The following RNF216 variants were observed in gnomAD, a reference collection of about 807,000 sequenced individuals.
RNF216 encodes the protein ring finger protein 216, also known as E3 ubiquitin-protein ligase RNF216.
Under a neutral mutation model 110.8 loss-of-function variants are expected in RNF216, and 72 were observed. The ratio of observed to expected loss-of-function variants is 0.65; its 90% CI spans 0.54 to 0.79. The LOEUF is 0.79. Ranked by LOEUF, RNF216 falls within the 30% of genes least tolerant of loss-of-function variation. The pLI is 0.00. For missense variants in RNF216, 1,342 were observed against 1,141.2 expected, an observed-to-expected ratio of 1.18 and a Z score of -2.54; for synonymous variants, 495 against 407.5, an observed-to-expected ratio of 1.21 and a Z score of -2.59.
chr7:5,763,374 T>G (rs1416101473), intron 1 of RNF216, among the ~76,000 whole-genome samples: 1 of 152,170 alleles, frequency 6.6e-6, no homozygotes, highest in African/African-American at 2.4e-5. Flanking sequence ...CTCACACCTG[T>G]AATCCCAGCA....
At chr7:5,659,328 A>C (rs1788951028) in intron 13 of RNF216, among the ~76,000 whole-genome samples, 1 of 152,218 alleles carries the variant, frequency 6.6e-6, no homozygotes, top group South Asian at 2.1e-4. Flanking sequence ...ATTAACTGAC[A>C]CTAGGGGCCT....
At position 5,622,749 on chromosome 7, in the gene RNF216, T is replaced by C; in HGVS notation, c.*111A>G. Reference sequence around the variant, plus strand: ...GGGTGGGAAGAAAACCAGCCTACCCTTCAAGCTGACTTAGGATGCAATGGT... The same window carrying C: ...GGGTGGGAAGAAAACCAGCCTACCCCTCAAGCTGACTTAGGATGCAATGGT... On this transcript the variant is annotated 3_prime_UTR_variant, in exon 17 of 17. Transcript: ENST00000389902. 1 of 1,121,820 alleles carries C rather than the reference T, an allele frequency of 8.9e-7. No homozygotes were observed. The highest frequency in any genetic ancestry group is 2.4e-5 in the East Asian group (1 of 41,210). The allele number at this position is 1,121,820 out of a possible 1,614,324, so 69.5% of individuals were successfully genotyped here.
At chr7:5,666,332 G>A (rs1197169839) in intron 13 of RNF216, among the ~76,000 whole-genome samples, 1 of 152,108 alleles carries the variant, frequency 6.6e-6, no homozygotes, top group Non-Finnish European at 1.5e-5. Context: ...GTGGAGAGGG[G>A]GAAATAGTTC....
intron 14 of RNF216, among the ~76,000 whole-genome samples, chr7:5,648,547 A>G (rs1446079115): frequency 2.0e-5 from 3 of 151,004 alleles, no homozygotes; most frequent in Non-Finnish European, 4.4e-5. Context: ...AACACGGTGA[A>G]ACCCCGTCTC....
intron 13 of RNF216, among the ~76,000 whole-genome samples, chr7:5,683,596 G>A (rs763754969): frequency 6.6e-6 from 1 of 152,152 alleles, no homozygotes; most frequent in Non-Finnish European, 1.5e-5. Context: ...ATGGGAGAGA[G>A]GTGCCAGTTG....
chr7:5,741,248 C>G lies in RNF216; in HGVS notation c.769G>C (p.Glu257Gln). Residue 257 changes from glutamate (E) to glutamine (Q), a missense_variant, in exon 4 of 17, where the codon GAA becomes CAA. Glu to Gln is a conservative substitution (Grantham distance 29). Transcript: ENST00000389902. ...AACAACAAGCGGCCCAGTTCTGCTT[C>G]AGGCTGCCGTTCCTGAGGAACGACC... ...NQVVPQERQP[E>Q]AELGRLLFQH... The G allele has an allele frequency of 6.2e-7, 1 of 1,614,170 alleles. No individual in the cohort carries two copies.
chr7:5,711,757 C>G lies in RNF216; in HGVS notation c.2061+4G>C, dbSNP rs773550601. On this transcript the variant is annotated splice_donor_region_variant and intron_variant, in intron 13 of 16. Transcript: ENST00000389902. ...TACATCTAGAAAAAAATGTGCCTCC[C>G]TACCTTTCGGCAGTGAGGATTAGGA... 6.2e-7 allele frequency: 1 copy of G among 1,611,868 alleles called. No homozygotes were observed. The highest frequency in any genetic ancestry group is 1.3e-5 in the African/African-American group (1 of 75,012).
chr7:5,681,288 G>A (rs1379315807), intron 13 of RNF216, among the ~76,000 whole-genome samples: 2 of 152,152 alleles, frequency 1.3e-5, no homozygotes, highest in Admixed American at 6.6e-5. Flanking sequence ...GCCAGAATCT[G>A]AATTATCATC....
At chr7:5,651,394 ATTTTATT>A (rs1351799179) in intron 14 of RNF216, among the ~76,000 whole-genome samples, 16 of 151,396 alleles carry the variant, frequency 1.1e-4, no homozygotes, top group Admixed American at 9.9e-4. Context: ...CTCCTGGATA[ATTTTATT>A]TTTTATTTTT....
rs1205961175 is a variant in RNF216, at chr7:5,715,053, C to T, written c.1833G>A (p.Lys611=). 3 of 1,611,810 alleles carry T rather than the reference C, an allele frequency of 1.9e-6. No homozygotes were observed. Among genetic ancestry groups the T allele is most frequent in the South Asian group, 1.1e-5 (1 of 90,936 alleles). ...YAQEAVFGSG[K]LELSCMEGSC... ...ATGGGACATATTACACAGTTCTTAC[C>T]TTTCCAGATCCAAAGACTGCCTCTT... The change falls in exon 11 of 17, where the codon AAG becomes AAA. Residue 611 remains lysine, a splice_region_variant and synonymous_variant. Coordinates refer to ENST00000389902, the MANE Select transcript of RNF216 (RefSeq NM_207111.4).
At chr7:5,764,448 G>C (rs1420078018) in intron 1 of RNF216, among the ~76,000 whole-genome samples, 1 of 152,038 alleles carries the variant, frequency 6.6e-6, no homozygotes, top group Non-Finnish European at 1.5e-5. Context: ...AGGAGTTCGA[G>C]ACCAGCCTGG....
At chr7:5,641,047 A>AT in intron 15 of RNF216, 107 bp downstream of exon 15, 1 of 881,932 alleles carries the variant, frequency 1.1e-6, no homozygotes, top group African/African-American at 1.7e-5. Flanking sequence ...AATTTCCTAT[A>AT]TTCTTCTCCT....
chr7:5,749,695 T>G (rs933633906), intron 3 of RNF216, among the ~76,000 whole-genome samples: 5 of 152,224 alleles, frequency 3.3e-5, no homozygotes, highest in African/African-American at 1.2e-4. Context: ...TAAAGTGCTG[T>G]GTGTTCAAAG....
At chr7:5,744,532 C>T (rs1228902407) in intron 3 of RNF216, among the ~76,000 whole-genome samples, 1 of 152,114 alleles carries the variant, frequency 6.6e-6, no homozygotes, top group African/African-American at 2.4e-5. Context: ...AGGGAAAAAA[C>T]ATAAGGAGTC....
chr7:5,712,972 C>T, intron 11 of RNF216, 109 bp from the exon 12 acceptor site: 2 of 981,890 alleles, frequency 2.0e-6, no homozygotes, highest in Non-Finnish European at 3.0e-6. Context: ...GCAAGGATCT[C>T]TCTGCCTGTT....
In RNF216 at chr7:5,661,620, T is replaced by C. The variant is rs1418008989; in HGVS notation, c.2062-9110A>G. Among the ~76,000 whole-genome samples the C allele has an allele frequency of 5.9e-5, 9 of 152,196 alleles. No individual in the cohort carries two copies. In the East Asian group the frequency reaches 1.2e-3, roughly 20 times the overall value. ...GAGTTTGAGACCAGCCTGGCCAACA[T>C]GGTGACATCTCGTCTCTACAAAAAA... is the stretch of plus-strand genomic sequence containing the variant. On this transcript the variant is annotated intron_variant, in intron 13 of 16. Transcript: ENST00000389902.
rs1294358257 is a variant in RNF216 at position 5,741,606 on chromosome 7, A to G, written c.411T>C (p.Leu137=). ...SEDDYGEFLD[L]GPPGISEFTK... Reference sequence around the variant, plus strand: ...TGAATTCAGAGATTCCAGGAGGCCCAAGATCCAGAAATTCACCGTAGTCAT... The same window carrying G: ...TGAATTCAGAGATTCCAGGAGGCCCGAGATCCAGAAATTCACCGTAGTCAT... Residue 137 remains leucine, a synonymous_variant, in exon 4 of 17, where the codon CTT becomes CTC. Transcript: ENST00000389902. 6.2e-7 allele frequency: 1 copy of G among 1,614,188 alleles called. No individual in the cohort carries two copies.
rs550790016 is a variant in RNF216, at chr7:5,680,724, C to G, written c.2062-28214G>C. The stretch of plus-strand genomic sequence containing the variant: ...GCACTCAACACTTCTACTTGGATAT[C>G]TAAAAGGCACCCCAGACAAAAGATG... On this transcript the variant is annotated intron_variant, in intron 13 of 16. Coordinates refer to ENST00000389902, the MANE Select transcript of RNF216 (RefSeq NM_207111.4). The surrounding 1 kb of genome is among the most constrained non-coding windows in gnomAD (Gnocchi z 4.3). Among the ~76,000 whole-genome samples the G allele has an allele frequency of 9.0e-4, 137 of 152,184 alleles. No homozygotes were observed. The highest frequency in any genetic ancestry group is 3.0e-3 in the African/African-American group (123 of 41,514).
At chr7:5,726,257 CA>C (rs1004779722) in intron 7 of RNF216, among the ~76,000 whole-genome samples, 9 of 152,144 alleles carry the variant, frequency 5.9e-5, no homozygotes, top group South Asian at 2.1e-4. Context: ...TCCTGGGTAA[CA>C]CAGGAGACCC....
Sources: allele counts gnomAD v4.1 joint callset (sites outside exome capture counted in the v4.1 genomes callset), GRCh38; gene constraint gnomAD v4.1.1; non-coding constraint Gnocchi (gnomAD v3.1); transcripts MANE v1.5; gene names NCBI Gene and HGNC (gene_info 2026-07-23, HGNC 2026-07-21).